The following CENPW variants were observed in gnomAD, a reference collection of about 807,000 sequenced individuals.
CENPW encodes the protein centromere protein W.
In CENPW, 3 loss-of-function variants were observed where a neutral mutation model predicts 11.1. The ratio of observed to expected loss-of-function variants is 0.27; its 90% CI spans 0.12 to 0.70. The LOEUF is 0.70. Ranked by LOEUF, CENPW falls within the 30% of genes least tolerant of loss-of-function variation. The pLI is 0.77. For missense variants in CENPW, 100 were observed against 105.6 expected (o/e 0.95, Z 0.23); for synonymous variants, 38 against 42.0 (o/e 0.91, Z 0.37).
At chr6:126,451,984 C>A in the CENPW span, among the ~76,000 whole-genome samples, 2 of 151,020 alleles carry the variant, frequency 1.3e-5, no homozygotes, top group Non-Finnish European at 3.0e-5. Flanking sequence ...CCAATAGACC[C>A]CCCACCCAGG....
At chr6:126,438,846 TAAAC>T in the CENPW span, among the ~76,000 whole-genome samples, 1 of 151,752 alleles carries the variant, frequency 6.6e-6, no homozygotes, top group Non-Finnish European at 1.5e-5. Context: ...CACTTTTAAT[TAAAC>T]AAAATACAGC....
chr6:126,374,457 T>A, the CENPW span, among the ~76,000 whole-genome samples: 28 of 152,302 alleles, frequency 1.8e-4, no homozygotes, highest in African/African-American at 5.3e-4. Context: ...AATGCCAGAC[T>A]AAACCAGCAT....
chr6:126,445,336 T>C, the CENPW span, among the ~76,000 whole-genome samples: 2 of 151,296 alleles, frequency 1.3e-5, no homozygotes, highest in East Asian at 3.9e-4. Context: ...CATAAAATTT[T>C]GTTTTGTCAT....
the CENPW span, among the ~76,000 whole-genome samples, chr6:126,366,129 T>C: frequency 6.6e-6 from 1 of 152,202 alleles, no homozygotes; most frequent in Non-Finnish European, 1.5e-5. Flanking sequence ...TGATATTTGC[T>C]ATGCAGGGGA....
intron 2 of CENPW, among the ~76,000 whole-genome samples, chr6:126,347,682 A>AT (rs1780435615): frequency 1.3e-5 from 2 of 152,038 alleles, no homozygotes; most frequent in Admixed American, 6.6e-5. Flanking sequence ...TTTCTACACT[A>AT]TTAAAGTCAA....
the CENPW span, among the ~76,000 whole-genome samples, chr6:126,358,485 A>G: frequency 6.6e-6 from 1 of 152,220 alleles, no homozygotes. Context: ...TTTGCTTTTA[A>G]TTCTGTTTGT....
chr6:126,362,136 C>T, the CENPW span, among the ~76,000 whole-genome samples: 11 of 152,180 alleles, frequency 7.2e-5, no homozygotes, highest in Non-Finnish European at 1.3e-4. Flanking sequence ...CACCCCAGTC[C>T]TGCAGGAAAG....
the CENPW span, among the ~76,000 whole-genome samples, chr6:126,366,842 G>A: frequency 6.6e-6 from 1 of 152,268 alleles, no homozygotes; most frequent in East Asian, 1.9e-4. Context: ...TGAGGGACCT[G>A]CATCTAGGGA....
the CENPW span, among the ~76,000 whole-genome samples, chr6:126,411,348 C>A: frequency 6.6e-6 from 1 of 152,142 alleles, no homozygotes; most frequent in Non-Finnish European, 1.5e-5. Flanking sequence ...GCTTTTATGT[C>A]TTTCTATTCC....
the CENPW span, among the ~76,000 whole-genome samples, chr6:126,406,245 A>T: frequency 1.4e-5 from 2 of 140,372 alleles, no homozygotes; most frequent in African/African-American, 5.0e-5. Context: ...TTGATATATC[A>T]CATTTATTGT....
the CENPW span, among the ~76,000 whole-genome samples, chr6:126,404,111 T>C: frequency 6.6e-6 from 1 of 152,112 alleles, no homozygotes; most frequent in Non-Finnish European, 1.5e-5. Flanking sequence ...TTACTGAATA[T>C]TTTAAGCCCA....
At chr6:126,366,884 A>G in the CENPW span, among the ~76,000 whole-genome samples, 1 of 152,170 alleles carries the variant, frequency 6.6e-6, no homozygotes, top group Non-Finnish European at 1.5e-5. Context: ...TGATGGTGGG[A>G]GGGTCAAGAC....
the CENPW span, among the ~76,000 whole-genome samples, chr6:126,417,445 T>A: frequency 6.6e-6 from 1 of 152,158 alleles, no homozygotes; most frequent in Non-Finnish European, 1.5e-5. Context: ...ACATGAGATT[T>A]GGGAGGGGCC....
At chr6:126,439,361 T>G in the CENPW span, among the ~76,000 whole-genome samples, 3 of 151,652 alleles carry the variant, frequency 2.0e-5, no homozygotes, top group Non-Finnish European at 4.4e-5. Flanking sequence ...TGAACTTTGC[T>G]TGTCAGATCC....
chr6:126,482,929 T>C, the CENPW span, among the ~76,000 whole-genome samples: 8 of 152,098 alleles, frequency 5.3e-5, no homozygotes, highest in East Asian at 1.9e-4. Flanking sequence ...TTGAGGGAGA[T>C]TGGCATTTTA....
the CENPW span, among the ~76,000 whole-genome samples, chr6:126,425,743 T>C: frequency 6.6e-6 from 1 of 151,840 alleles, no homozygotes; most frequent in Non-Finnish European, 1.5e-5. Context: ...GCATCATCTG[T>C]ACACTAGTTC....
the CENPW span, among the ~76,000 whole-genome samples, chr6:126,456,056 C>G: frequency 6.6e-6 from 1 of 151,092 alleles, no homozygotes; most frequent in Non-Finnish European, 1.5e-5. Context: ...TCAAAGAAAT[C>G]AGAGATAACA....
the CENPW span, among the ~76,000 whole-genome samples, chr6:126,464,928 T>C: frequency 6.6e-6 from 1 of 152,134 alleles, no homozygotes; most frequent in Non-Finnish European, 1.5e-5. Context: ...AAAAACTGAA[T>C]GCTTTCTTTC....
At chr6:126,442,172 G>A in the CENPW span, among the ~76,000 whole-genome samples, 12 of 151,640 alleles carry the variant, frequency 7.9e-5, no homozygotes, top group Non-Finnish European at 1.6e-4. Context: ...GAATCACATT[G>A]TGGTTTTGAT....
Sources: gnomAD v4.1 joint callset for allele counts (sites outside exome capture counted in the v4.1 genomes callset) on GRCh38, gnomAD v4.1.1 for gene constraint, MANE v1.5 for transcripts, NCBI Gene and HGNC (gene_info 2026-07-23, HGNC 2026-07-21) for gene names.